ZBTB7C: variants seen among roughly 807,000 people sequenced by gnomAD.
The protein encoded by ZBTB7C is zinc finger and BTB domain containing 7C, also known as zinc finger and BTB domain-containing protein 7C.
In ZBTB7C, 8 loss-of-function variants were observed where a neutral mutation model predicts 25.7. The observed-to-expected ratio is 0.31, with a 90% CI of 0.18 to 0.56. The LOEUF (loss-of-function observed/expected upper bound fraction) is 0.56, where lower values mean the gene tolerates loss of function less well. Ranked by LOEUF, ZBTB7C falls within the 20% of genes least tolerant of loss-of-function variation. The probability of loss-of-function intolerance (pLI) is 0.91; values close to 1 mark genes in which losing one functional copy is unlikely to be tolerated. For synonymous variants in ZBTB7C, 394 were observed against 369.0 expected (o/e 1.07, Z -0.78); for missense variants, 824 against 855.2 (o/e 0.96, Z 0.46).
chr18:48,212,495 T>C (rs945926185), intron 2 of ZBTB7C, among the ~76,000 whole-genome samples: 4 of 151,992 alleles, frequency 2.6e-5, no homozygotes, highest in Non-Finnish European at 5.9e-5. Flanking sequence ...GTGATAATGA[T>C]GTGTCACTGT....
At chr18:48,384,713 G>T (rs915069356) in intron 1 of ZBTB7C, among the ~76,000 whole-genome samples, 1 of 151,896 alleles carries the variant, frequency 6.6e-6, no homozygotes, top group African/African-American at 2.4e-5. Flanking sequence ...ATTGAGTCTC[G>T]CTCTGTCACC....
chr18:48,374,488 C>T (rs925253490), intron 1 of ZBTB7C, among the ~76,000 whole-genome samples: 1 of 152,222 alleles, frequency 6.6e-6, no homozygotes, highest in African/African-American at 2.4e-5. Context: ...TCTTCCTCAT[C>T]TCTGGGGTCC....
At chr18:48,158,158 G>T (rs1420986442) in intron 3 of ZBTB7C, among the ~76,000 whole-genome samples, 1 of 152,160 alleles carries the variant, frequency 6.6e-6, no homozygotes, top group African/African-American at 2.4e-5. Context: ...TACCACCAGG[G>T]GCAAACACTG....
chr18:48,193,503 C>T (rs2042247683), intron 2 of ZBTB7C, among the ~76,000 whole-genome samples: 1 of 152,220 alleles, frequency 6.6e-6, no homozygotes, highest in Non-Finnish European at 1.5e-5. Context: ...AGCCCCTTAC[C>T]CAACCTCCCA....
At chr18:48,353,660 C>G (rs901143562) in intron 1 of ZBTB7C, among the ~76,000 whole-genome samples, 1 of 152,152 alleles carries the variant, frequency 6.6e-6, no homozygotes, top group Admixed American at 6.5e-5. Context: ...GTTCTCAGGG[C>G]CTTTCTGGGG....
intron 1 of ZBTB7C, among the ~76,000 whole-genome samples, chr18:48,362,616 G>A (rs1379199032): frequency 6.6e-6 from 1 of 152,186 alleles, no homozygotes; most frequent in African/African-American, 2.4e-5. Context: ...CCTAGTTTAT[G>A]GCATTTTATT....
intron 2 of ZBTB7C, among the ~76,000 whole-genome samples, chr18:48,290,307 C>A (rs2045183506): frequency 6.6e-6 from 1 of 152,222 alleles, no homozygotes; most frequent in African/African-American, 2.4e-5. Context: ...CAGCCTCAGT[C>A]CCACCTCCTT....
At chr18:48,168,039 C>T (rs28576508) in intron 3 of ZBTB7C, among the ~76,000 whole-genome samples, 1,736 of 152,266 alleles carry the variant, frequency 0.011, 35 homozygotes, top group African/African-American at 0.04. Context: ...TTTGATTTGG[C>T]CTTGGTGACC....
intron 2 of ZBTB7C, among the ~76,000 whole-genome samples, chr18:48,264,108 C>G (rs1216368592): frequency 1.3e-5 from 2 of 152,210 alleles, no homozygotes; most frequent in Admixed American, 1.3e-4. Context: ...CCCACCATTG[C>G]TGAGTCAGCA....
chr18:48,131,927 T>C (rs958320869), intron 3 of ZBTB7C, among the ~76,000 whole-genome samples: 1 of 152,200 alleles, frequency 6.6e-6, no homozygotes, highest in Non-Finnish European at 1.5e-5. Flanking sequence ...AACCATCACA[T>C]ACCTGCTGGT....
chr18:48,156,406 A>G (rs1300370190), intron 3 of ZBTB7C, among the ~76,000 whole-genome samples: 1 of 152,178 alleles, frequency 6.6e-6, no homozygotes, highest in Admixed American at 6.5e-5. Context: ...TCAGTTTTCC[A>G]GTCTGTCTAA....
intron 3 of ZBTB7C, chr18:48,136,923 C>A (rs542565330): frequency 7.3e-6 from 7 of 960,702 alleles, no homozygotes; most frequent in Non-Finnish European, 8.7e-6. Context: ...CTTCCTCCCC[C>A]ACCCCCTCCC....
chr18:48,385,488 T>C (rs2047727276), intron 1 of ZBTB7C, among the ~76,000 whole-genome samples: 1 of 152,076 alleles, frequency 6.6e-6, no homozygotes, highest in South Asian at 2.1e-4. Flanking sequence ...ATGACAGATC[T>C]CATTTGGGGG....
At chr18:48,268,093 C>T (rs970473083) in intron 2 of ZBTB7C, among the ~76,000 whole-genome samples, 3 of 152,216 alleles carry the variant, frequency 2.0e-5, no homozygotes, top group Admixed American at 6.5e-5. Flanking sequence ...TTAGCAGATA[C>T]TTTCAATAGG....
intron 2 of ZBTB7C, among the ~76,000 whole-genome samples, chr18:48,193,109 C>A (rs2042236005): frequency 6.6e-6 from 1 of 152,198 alleles, no homozygotes; most frequent in South Asian, 2.1e-4. Context: ...ACTTGAAGTG[C>A]AACCATGTCT....
chr18:48,231,650 C>A (rs2043255630), intron 2 of ZBTB7C, among the ~76,000 whole-genome samples: 2 of 152,212 alleles, frequency 1.3e-5, no homozygotes, highest in Admixed American at 6.5e-5. Context: ...GAACTCAGGA[C>A]CCACCGATGG....
At chr18:48,345,688 G>A (rs1040614358) in intron 1 of ZBTB7C, among the ~76,000 whole-genome samples, 9 of 152,208 alleles carry the variant, frequency 5.9e-5, no homozygotes, top group Admixed American at 2.0e-4. Context: ...CCTTGGCTCC[G>A]ACCTCTGGGA....
chr18:48,202,441 C>T (rs775416043), intron 2 of ZBTB7C, among the ~76,000 whole-genome samples: 5 of 131,020 alleles, frequency 3.8e-5, no homozygotes, highest in African/African-American at 6.0e-5. Context: ...GAGGCACAGT[C>T]GCAGGGCGGG....
At chr18:48,143,268 A>G (rs1286165832) in intron 3 of ZBTB7C, among the ~76,000 whole-genome samples, 1 of 152,126 alleles carries the variant, frequency 6.6e-6, no homozygotes, top group Non-Finnish European at 1.5e-5. Context: ...AACCTTGGCC[A>G]TCTGCCTCCC....
Sources: allele counts gnomAD v4.1 joint callset (sites outside exome capture counted in the v4.1 genomes callset), GRCh38; gene constraint gnomAD v4.1.1; transcripts MANE v1.5; gene names NCBI Gene and HGNC (gene_info 2026-07-23, HGNC 2026-07-21).